Variants in GSN observed in about 807,000 individuals in gnomAD.
The protein encoded by GSN is gelsolin.
Under a neutral mutation model 85.7 loss-of-function variants are expected in GSN, and 56 were observed. That is an observed-to-expected ratio of 0.65 (90% CI 0.53 to 0.82). GSN has a LOEUF of 0.82. Among genes scored for constraint, GSN ranks in the 40% least tolerant of loss-of-function variants. The probability of loss-of-function intolerance (pLI) is 0.00; values close to 1 mark genes in which losing one functional copy is unlikely to be tolerated. For missense variants in GSN, 857 were observed against 979.8 expected, an observed-to-expected ratio of 0.87 and a Z score of 1.67; for synonymous variants, 373 against 399.1, an observed-to-expected ratio of 0.93 and a Z score of 0.78.
rs748635328 is a variant in GSN at position 121,312,478 on chromosome 9, C to T, written c.653C>T (p.Ala218Val). The change falls in exon 6 of 18, where the codon GCG becomes GTG. Residue 218 changes from alanine to valine, a missense_variant. Transcript: ENST00000432226. ...HVSEEGTEPE[A>V]MLQVLGPKPA... The stretch of plus-strand genomic sequence containing the variant: ...TCTGAGGAGGGCACTGAGCCCGAGG[C>T]GATGCTCCAGGTGCCTGTGGGGTGC... 1.4e-5 allele frequency: 23 copies of T among 1,610,968 alleles called. No individual in the cohort carries two copies. The highest frequency in any genetic ancestry group is 9.9e-5 in the South Asian group (9 of 90,914).
rs755098455 is a variant in GSN, at chr9:121,312,359, T to G, written c.534T>G (p.Gly178=). The G allele has an allele frequency of 6.2e-7, 1 of 1,614,122 alleles. No homozygotes were observed. Among genetic ancestry groups the G allele is most frequent in the East Asian group, 2.2e-5 (1 of 44,872 alleles). ...DLGNNIHQWC[G]SNSNRYERLK... The stretch of plus-strand genomic sequence containing the variant: ...TCCAGAACATCCACCAGTGGTGTGG[T>G]TCCAACAGCAATCGGTATGAAAGAC... The change falls in exon 6 of 18, where the codon GGT becomes GGG. Residue 178 remains glycine (G), a synonymous_variant. Transcript: ENST00000432226.
chr9:121,228,674 C>T (rs1172965857), intron 4 of GSN, among the ~76,000 whole-genome samples: 1 of 151,886 alleles, frequency 6.6e-6, no homozygotes. Flanking sequence ...ATCTGCCTGC[C>T]TCAGTCTCCC....
At chr9:121,280,325 C>T in intron 1 of GSN, 1 of 152,254 alleles carries the variant, frequency 6.6e-6, no homozygotes, top group East Asian at 1.9e-4. Flanking sequence ...TGGGATGGTC[C>T]TTCATCCACT....
chr9:121,263,942 C>T (rs145236235), upstream of GSN, among the ~76,000 whole-genome samples: 734 of 149,342 alleles, frequency 4.9e-3, 7 homozygotes, highest in African/African-American at 0.017. Context: ...ATCATGAGAA[C>T]GGCATGGGGG....
Position 121,262,792 on chromosome 9 carries a change from C to A in GSN, c.-340-2362C>A, listed in dbSNP as rs189226500. 2.6e-4 allele frequency among the ~76,000 whole-genome samples: 39 copies of A among 152,334 alleles called. 1 individual carries two copies. The highest frequency in any genetic ancestry group is 1.9e-3 in the South Asian group (9 of 4,826). On this transcript the variant is annotated intron_variant, in intron 6 of 24. Transcript: ENST00000373823. The stretch of plus-strand genomic sequence containing the variant: ...GGGACAAACACATTCCTGCCTGGGG[C>A]ATTCAGAACATGTCTAGAATAATGG...
intron 2 of GSN, chr9:121,283,736 G>C (rs1427746087): frequency 6.0e-6 from 1 of 166,852 alleles, no homozygotes; most frequent in Non-Finnish European, 1.5e-5. Context: ...AGATATTTAG[G>C]CTCTGAGCTG....
At chr9:121,226,739 A>G (rs574866084) in intron 4 of GSN, among the ~76,000 whole-genome samples, 3 of 152,260 alleles carry the variant, frequency 2.0e-5, no homozygotes, top group African/African-American at 4.8e-5. Context: ...CCTAGGTAAT[A>G]GGGGTATCTT....
At chr9:121,274,894 A>G (rs988577695) in intron 1 of GSN, among the ~76,000 whole-genome samples, 33 of 152,246 alleles carry the variant, frequency 2.2e-4, no homozygotes, top group African/African-American at 8.0e-4. Context: ...ACTGGATTTT[A>G]CAAGGAAGTG....
At chr9:121,230,218 T>C (rs946166251) in intron 4 of GSN, among the ~76,000 whole-genome samples, 1 of 152,202 alleles carries the variant, frequency 6.6e-6, no homozygotes, top group African/African-American at 2.4e-5. Context: ...GGCTCAAATT[T>C]TACCCTTATT....
At chr9:121,310,574 C>G in intron 4 of GSN, 110 bp from the exon 5 acceptor site, 1 of 963,950 alleles carries the variant, frequency 1.0e-6, no homozygotes, top group Non-Finnish European at 1.6e-6. Context: ...TGCTGGAAAG[C>G]CCCTGGTCCA....
chr9:121,312,379 A>G lies in GSN; in HGVS notation c.554A>G (p.Glu185Gly). ...QWCGSNSNRYERLKATQVSKG... is the reference protein window; with the variant it reads ...QWCGSNSNRYGRLKATQVSKG... ...TGTGGTTCCAACAGCAATCGGTATG[A>G]AAGACTGAAGGCCACACAGGTGTCC... The change falls in exon 6 of 18, where the codon GAA becomes GGA. Residue 185 changes from glutamate to glycine, a missense_variant. Coordinates refer to ENST00000432226, the MANE Select transcript of GSN (RefSeq NM_198252.3). 1 of 1,614,158 alleles carries G rather than the reference A, an allele frequency of 6.2e-7. No homozygotes were observed. The highest frequency in any genetic ancestry group is 8.5e-7 in the Non-Finnish European group (1 of 1,179,994).
intron 2 of GSN, among the ~76,000 whole-genome samples, chr9:121,288,345 T>C (rs1020424264): frequency 6.6e-6 from 1 of 152,116 alleles, no homozygotes; most frequent in Non-Finnish European, 1.5e-5. Flanking sequence ...CCTACCCTCC[T>C]TGTAGGGGGT....
intron 5 of GSN, among the ~76,000 whole-genome samples, chr9:121,238,317 C>G (rs2054537873): frequency 6.6e-6 from 1 of 152,164 alleles, no homozygotes; most frequent in African/African-American, 2.4e-5. Flanking sequence ...TAATCAGCTG[C>G]CAATGTGGCT....
At chr9:121,315,972 T>C (rs1161334603) in intron 7 of GSN, among the ~76,000 whole-genome samples, 2 of 152,156 alleles carry the variant, frequency 1.3e-5, no homozygotes, top group Non-Finnish European at 2.9e-5. Context: ...ATACAAGTTA[T>C]AGAAATTGCT....
chr9:121,262,960 G>A (rs1273176371), intron 6 of GSN, among the ~76,000 whole-genome samples: 1 of 152,200 alleles, frequency 6.6e-6, no homozygotes, highest in African/African-American at 2.4e-5. Flanking sequence ...TCTGCTCTGT[G>A]CCAAGCACTA....
intron 12 of GSN, 142 bp from the exon 13 acceptor site, chr9:121,326,370 C>G (rs2063165747): frequency 1.4e-6 from 1 of 737,222 alleles, no homozygotes; most frequent in African/African-American, 1.7e-5. Context: ...GGTGTCCCTG[C>G]CTGTGTGTTG....
At chr9:121,217,152 T>C (rs1239371299) in intron 4 of GSN, among the ~76,000 whole-genome samples, 1 of 152,024 alleles carries the variant, frequency 6.6e-6, no homozygotes, top group East Asian at 1.9e-4. Context: ...AAGGTCAGGG[T>C]GGATCACGAG....
intron 4 of GSN, among the ~76,000 whole-genome samples, chr9:121,223,851 G>A (rs2054219426): frequency 6.6e-6 from 1 of 151,592 alleles, no homozygotes; most frequent in South Asian, 2.1e-4. Context: ...TAGAGACGGA[G>A]TTTTGCCATG....
In GSN at chr9:121,299,745, G is replaced by T. The variant is rs983536841; in HGVS notation, c.-9-2218G>T. 8 of 1,117,112 alleles carry T rather than the reference G, an allele frequency of 7.2e-6. No homozygotes were observed. In the African/African-American group the frequency reaches 1.3e-4, roughly 19 times the overall value. 69.2% of individuals were successfully genotyped at this position (1,117,112 alleles called of 1,614,324 possible). ...TCTCCAAGATCCGAGACAGATCCCC[G>T]CCCCGCGCCCTCCCTGGGGGGCGGT... On this transcript the variant is annotated intron_variant, in intron 2 of 17. Transcript: ENST00000432226. This position sits in a 1 kb window ranked among gnomAD's most constrained non-coding sequence, Gnocchi z 4.2.
Sources: gnomAD v4.1 joint callset for allele counts (sites outside exome capture counted in the v4.1 genomes callset) on GRCh38, gnomAD v4.1.1 for gene constraint, Gnocchi (gnomAD v3.1) non-coding constraint, MANE v1.5 for transcripts, NCBI Gene and HGNC (gene_info 2026-07-23, HGNC 2026-07-21) for gene names.